MAP2: variants seen among roughly 807,000 people sequenced by gnomAD.
MAP2 encodes microtubule associated protein 2, also known as microtubule-associated protein 2.
MAP2 carries 14 observed loss-of-function variants against 137.6 expected under a neutral mutation model. That is an observed-to-expected ratio of 0.10 (90% CI 0.07 to 0.16). The LOEUF (loss-of-function observed/expected upper bound fraction) is 0.16, where lower values mean the gene tolerates loss of function less well. MAP2 is among the 10% of genes least tolerant of loss of function. The pLI is 1.00. For synonymous variants in MAP2, 786 were observed against 782.3 expected, an observed-to-expected ratio of 1.00 and a Z score of -0.08; for missense variants, 2,088 against 2,191.5, an observed-to-expected ratio of 0.95 and a Z score of 0.94.
At chr2:209,611,134 A>G (rs114119423) in intron 3 of MAP2, among the ~76,000 whole-genome samples, 204 of 152,328 alleles carry the variant, frequency 1.3e-3, no homozygotes, top group Non-Finnish European at 2.2e-3. Context: ...ATGACGCCAA[A>G]TATTTAAACT....
At chr2:209,482,702 ATATT>A (rs2057883362) in intron 1 of MAP2, among the ~76,000 whole-genome samples, 1 of 152,222 alleles carries the variant, frequency 6.6e-6, no homozygotes, top group African/African-American at 2.4e-5. Context: ...AGACTCAGAC[ATATT>A]TAAACACTAA....
chr2:209,598,153 C>T (rs1173430669), intron 3 of MAP2, among the ~76,000 whole-genome samples: 1 of 151,920 alleles, frequency 6.6e-6, no homozygotes, highest in Non-Finnish European at 1.5e-5. Flanking sequence ...CTGTAGGCAC[C>T]CACCACCATG....
chr2:209,653,157 C>A lies in MAP2; in HGVS notation c.-14C>A. 2 of 1,566,430 alleles carry A rather than the reference C, an allele frequency of 1.3e-6. No individual in the cohort carries two copies. The highest frequency in any genetic ancestry group is 8.6e-7 in the Non-Finnish European group (1 of 1,158,000). On this transcript the variant is annotated 5_prime_UTR_variant, in exon 5 of 16. Transcript: ENST00000682079. ...TCTCTTTCAGTTGCAGGAGAAATAACAAGGCATTGAAGAATGGCAGATGAA... is the reference window on the plus strand; with the variant it reads ...TCTCTTTCAGTTGCAGGAGAAATAAAAAGGCATTGAAGAATGGCAGATGAA...
At chr2:209,716,114 G>A (rs770379070) in intron 13 of MAP2, among the ~76,000 whole-genome samples, 13 of 152,066 alleles carry the variant, frequency 8.5e-5, no homozygotes, top group Non-Finnish European at 1.2e-4. Context: ...TCTATCTGAT[G>A]TACTCTCTAT....
intron 1 of MAP2, among the ~76,000 whole-genome samples, chr2:209,484,132 A>G (rs183301262): frequency 6.6e-6 from 1 of 152,326 alleles, no homozygotes; most frequent in Admixed American, 6.5e-5. Flanking sequence ...AGAACAATAT[A>G]AAGAAAATGC....
At chr2:209,602,833 A>T (rs1198267244) in intron 3 of MAP2, among the ~76,000 whole-genome samples, 1 of 152,192 alleles carries the variant, frequency 6.6e-6, no homozygotes, top group African/African-American at 2.4e-5. Context: ...ACACATTATA[A>T]TTCTCTACCA....
intron 11 of MAP2, among the ~76,000 whole-genome samples, chr2:209,700,814 A>G (rs977197183): frequency 6.6e-6 from 1 of 152,126 alleles, no homozygotes. Context: ...TTTGATGTAA[A>G]ATCCTAATTT....
At chr2:209,601,403 A>G (rs1001854568) in intron 3 of MAP2, among the ~76,000 whole-genome samples, 2 of 152,140 alleles carry the variant, frequency 1.3e-5, no homozygotes, top group African/African-American at 4.8e-5. Context: ...AACTCCAACC[A>G]TATTTCACAC....
At chr2:209,430,832 T>A (rs1574599914) in intron 1 of MAP2, among the ~76,000 whole-genome samples, 1 of 137,060 alleles carries the variant, frequency 7.3e-6, no homozygotes, top group South Asian at 2.5e-4. Flanking sequence ...TAGGAGAACA[T>A]AAAATACTAA....
At chr2:209,582,446 C>T (rs958305228) in intron 3 of MAP2, among the ~76,000 whole-genome samples, 1 of 152,084 alleles carries the variant, frequency 6.6e-6, no homozygotes, top group Admixed American at 6.6e-5. Context: ...CAAACTGCAG[C>T]CTGAGCTTTG....
intron 3 of MAP2, among the ~76,000 whole-genome samples, chr2:209,619,674 G>T (rs536138161): frequency 2.0e-4 from 30 of 152,094 alleles, no homozygotes; most frequent in African/African-American, 7.0e-4. Flanking sequence ...ATCAGAGTCA[G>T]CATAAGCTAC....
chr2:209,678,734 T>C (rs1466923661), intron 6 of MAP2, 49 bp downstream of exon 6: 3 of 1,107,670 alleles, frequency 2.7e-6, no homozygotes, highest in East Asian at 2.5e-5. Flanking sequence ...TGCACCCTGA[T>C]CACAGGATAA....
intron 4 of MAP2, among the ~76,000 whole-genome samples, chr2:209,626,585 A>G (rs1358702485): frequency 2.0e-5 from 3 of 152,224 alleles, no homozygotes; most frequent in Non-Finnish European, 4.4e-5. Context: ...TCAAAACCCT[A>G]AAGATCATAT....
chr2:209,508,316 T>G (rs2061319630), intron 2 of MAP2, among the ~76,000 whole-genome samples: 1 of 134,956 alleles, frequency 7.4e-6, no homozygotes, highest in Non-Finnish European at 1.7e-5. Context: ...AAATGAAGAC[T>G]TTTATTGCTT....
chr2:209,544,582 C>A (rs1460151192), intron 2 of MAP2, among the ~76,000 whole-genome samples: 1 of 152,182 alleles, frequency 6.6e-6, no homozygotes, highest in East Asian at 1.9e-4. Flanking sequence ...TTGAGCAAGT[C>A]ATTTTACCGA....
intron 4 of MAP2, among the ~76,000 whole-genome samples, chr2:209,641,921 AAGTT>A (rs1160119877): frequency 2.0e-5 from 3 of 152,246 alleles, no homozygotes; most frequent in Admixed American, 2.0e-4. Context: ...CAGGTTTACA[AAGTT>A]AGTGTTGTTA....
chr2:209,429,462 A>G (rs1693646558), intron 1 of MAP2, among the ~76,000 whole-genome samples: 1 of 152,130 alleles, frequency 6.6e-6, no homozygotes, highest in South Asian at 2.1e-4. Flanking sequence ...TAGTTCCACT[A>G]ATGTGTACCT....
intron 1 of MAP2, among the ~76,000 whole-genome samples, chr2:209,501,160 G>A (rs763948897): frequency 6.6e-6 from 1 of 151,904 alleles, no homozygotes; most frequent in Non-Finnish European, 1.5e-5. Flanking sequence ...TTTCTGTAAG[G>A]TGTAACTCCA....
At chr2:209,668,770 C>G (rs977691871) in intron 5 of MAP2, among the ~76,000 whole-genome samples, 2 of 152,038 alleles carry the variant, frequency 1.3e-5, no homozygotes, top group East Asian at 3.9e-4. Flanking sequence ...TGCTCCCCTT[C>G]TCTTGGGTTG....
Sources: gnomAD v4.1 joint callset for allele counts (sites outside exome capture counted in the v4.1 genomes callset) on GRCh38, gnomAD v4.1.1 for gene constraint, MANE v1.5 for transcripts, NCBI Gene and HGNC (gene_info 2026-07-23, HGNC 2026-07-21) for gene names.